BACH2: variants seen among roughly 807,000 people sequenced by gnomAD.
BACH2 encodes the protein BACH transcriptional regulator 2.
Under a neutral mutation model 61.8 loss-of-function variants are expected in BACH2, and 5 were observed. The ratio of observed to expected loss-of-function variants is 0.08; its 90% CI spans 0.04 to 0.17. BACH2 has a LOEUF of 0.17. Among genes scored for constraint, BACH2 ranks in the 10% least tolerant of loss-of-function variants. The pLI, the probability that BACH2 is intolerant of heterozygous loss-of-function variation, is 1.00. For synonymous variants in BACH2, 446 were observed against 440.1 expected (o/e 1.01, Z -0.17); for missense variants, 824 against 1,091.1 (o/e 0.76, Z 3.45).
At chr6:90,092,358 T>C (rs143379098) in intron 4 of BACH2, among the ~76,000 whole-genome samples, 53 of 148,046 alleles carry the variant, frequency 3.6e-4, no homozygotes, top group African/African-American at 1.2e-3. Flanking sequence ...ACAAAGTTAT[T>C]ACTTTCAATG....
intron 5 of BACH2, among the ~76,000 whole-genome samples, chr6:90,054,140 A>G (rs1167467549): frequency 1.3e-5 from 2 of 152,156 alleles, no homozygotes; most frequent in Non-Finnish European, 2.9e-5. Context: ...GGTGCAGCGC[A>G]CCGTGCACGA....
At chr6:90,114,917 T>C (rs1413474147) in intron 4 of BACH2, among the ~76,000 whole-genome samples, 7 of 151,990 alleles carry the variant, frequency 4.6e-5, no homozygotes, top group African/African-American at 1.4e-4. Flanking sequence ...CCATTCATAA[T>C]TGCTACACAC....
chr6:90,116,639 G>T (rs576477281), intron 4 of BACH2: 3 of 272,098 alleles, frequency 1.1e-5, no homozygotes, highest in African/African-American at 6.7e-5. Context: ...GAATCATACA[G>T]TGGTGTTATT....
chr6:90,212,021 C>T (rs370409), intron 3 of BACH2, among the ~76,000 whole-genome samples: 1 of 151,964 alleles, frequency 6.6e-6, no homozygotes. Flanking sequence ...CAAGGTGAAC[C>T]GGCTCTGAAG....
chr6:90,140,156 T>C (rs1267011636), intron 4 of BACH2, among the ~76,000 whole-genome samples: 1 of 152,166 alleles, frequency 6.6e-6, no homozygotes, highest in South Asian at 2.1e-4. Context: ...GTGCAGTCCA[T>C]CCCTTTAAGA....
intron 3 of BACH2, among the ~76,000 whole-genome samples, chr6:90,221,245 A>G (rs1769724827): frequency 6.6e-6 from 1 of 152,208 alleles, no homozygotes; most frequent in African/African-American, 2.4e-5. Flanking sequence ...TCTGTACAAT[A>G]TTCATGGATT....
At chr6:90,023,201 T>TG (rs761942960) in intron 5 of BACH2, among the ~76,000 whole-genome samples, 1 of 152,162 alleles carries the variant, frequency 6.6e-6, no homozygotes, top group Non-Finnish European at 1.5e-5. Context: ...TGGAGTGATA[T>TG]GGTTTGGATC....
chr6:90,230,050 T>C (rs1770044668), intron 3 of BACH2, among the ~76,000 whole-genome samples: 1 of 152,168 alleles, frequency 6.6e-6, no homozygotes, highest in Admixed American at 6.5e-5. Context: ...TGATCCAGAA[T>C]GGGGCCCCAA....
intron 5 of BACH2, among the ~76,000 whole-genome samples, chr6:90,042,219 G>T (rs1000575975): frequency 1.3e-5 from 2 of 152,108 alleles, no homozygotes; most frequent in African/African-American, 2.4e-5. Context: ...TTGAGACAGG[G>T]TCTTGCTCTG....
intron 1 of BACH2, 105 bp downstream of exon 1, chr6:90,296,375 G>C (rs1316659277): frequency 6.6e-6 from 1 of 150,650 alleles, no homozygotes; most frequent in East Asian, 2.0e-4. Flanking sequence ...TTCCCGCGCC[G>C]TTTCCCCACG....
chr6:90,044,934 C>T (rs1779711020), intron 5 of BACH2, among the ~76,000 whole-genome samples: 1 of 152,098 alleles, frequency 6.6e-6, no homozygotes, highest in African/African-American at 2.4e-5. Context: ...AGGTAAGCAA[C>T]TGAACACAGC....
intron 3 of BACH2, among the ~76,000 whole-genome samples, chr6:90,244,944 A>T (rs1483774517): frequency 1.3e-5 from 2 of 152,234 alleles, no homozygotes; most frequent in African/African-American, 4.8e-5. Flanking sequence ...CTGTAATCCC[A>T]GCACTTTGGG....
chr6:90,069,628 G>A (rs1364428514), intron 5 of BACH2, among the ~76,000 whole-genome samples: 1 of 152,102 alleles, frequency 6.6e-6, no homozygotes, highest in Non-Finnish European at 1.5e-5. Flanking sequence ...GAGGAAAATG[G>A]AAAAGGACTC....
chr6:90,000,900 C>A (rs1465648323), intron 6 of BACH2, among the ~76,000 whole-genome samples: 1 of 152,140 alleles, frequency 6.6e-6, no homozygotes, highest in South Asian at 2.1e-4. Flanking sequence ...CCCTTCCTGG[C>A]CAGTTTGCCT....
chr6:90,280,410 T>G (rs777206259), intron 1 of BACH2, among the ~76,000 whole-genome samples: 2 of 152,214 alleles, frequency 1.3e-5, no homozygotes, highest in African/African-American at 2.4e-5. Context: ...CAAATCCATT[T>G]AAAACTAATT....
intron 1 of BACH2, among the ~76,000 whole-genome samples, chr6:90,291,527 A>G (rs1219370595): frequency 6.6e-6 from 1 of 151,546 alleles, no homozygotes; most frequent in African/African-American, 2.4e-5. Flanking sequence ...GTAAAGGGAA[A>G]AAATTAAAAG....
At chr6:90,068,502 T>C (rs1036146875) in intron 5 of BACH2, among the ~76,000 whole-genome samples, 5 of 152,182 alleles carry the variant, frequency 3.3e-5, no homozygotes, top group African/African-American at 1.2e-4. Flanking sequence ...GTACCTCCCA[T>C]GGAGACGCTG....
intron 6 of BACH2, among the ~76,000 whole-genome samples, chr6:90,007,492 C>G (rs556064900): frequency 2.8e-4 from 43 of 152,130 alleles, no homozygotes; most frequent in South Asian, 8.3e-4. Context: ...AATTTAGATG[C>G]CTTTTGGTGG....
At chr6:90,255,156 C>T (rs1582537353) in intron 2 of BACH2, among the ~76,000 whole-genome samples, 1 of 152,290 alleles carries the variant, frequency 6.6e-6, no homozygotes. Context: ...AACACATTAT[C>T]TTAGGCTTGT....
Sources: allele counts gnomAD v4.1 joint callset (sites outside exome capture counted in the v4.1 genomes callset), GRCh38; gene constraint gnomAD v4.1.1; transcripts MANE v1.5; gene names NCBI Gene and HGNC (gene_info 2026-07-23, HGNC 2026-07-21).